CSMD3: variants seen among roughly 807,000 people sequenced by gnomAD.
CSMD3 encodes the protein CUB and sushi domain-containing protein 3.
Under a neutral mutation model 435.2 loss-of-function variants are expected in CSMD3, and 177 were observed. That is an observed-to-expected ratio of 0.41 (90% confidence interval 0.36 to 0.46). The LOEUF (loss-of-function observed/expected upper bound fraction) is 0.46. CSMD3 is among the 20% of genes least tolerant of loss of function. CSMD3 has a pLI of 0.34. For synonymous variants in CSMD3, 1,656 were observed against 1,520.5 expected (o/e 1.09, Z -2.07); for missense variants, 4,265 against 4,504.6 (o/e 0.95, Z 1.52).
At chr8:113,384,714 C>A (rs1385761638) in intron 1 of CSMD3, among the ~76,000 whole-genome samples, 1 of 152,178 alleles carries the variant, frequency 6.6e-6, no homozygotes, top group Non-Finnish European at 1.5e-5. Context: ...AAAATCCACA[C>A]TGGAGCTTCA....
intron 32 of CSMD3, among the ~76,000 whole-genome samples, chr8:112,447,499 A>G (rs1815738540): frequency 6.6e-6 from 1 of 152,186 alleles, no homozygotes; most frequent in African/African-American, 2.4e-5. Context: ...TTTAACCTTC[A>G]TATAATAAAC....
intron 41 of CSMD3, among the ~76,000 whole-genome samples, chr8:112,342,833 G>T (rs1825256002): frequency 6.6e-6 from 1 of 151,406 alleles, no homozygotes; most frequent in Admixed American, 6.6e-5. Context: ...TAGAACTTTG[G>T]ACATGCAACC....
At chr8:113,399,124 C>CACACTA (rs1554629610) in intron 1 of CSMD3, among the ~76,000 whole-genome samples, 3 of 140,438 alleles carry the variant, frequency 2.1e-5, no homozygotes, top group South Asian at 2.3e-4. Flanking sequence ...CACACACACA[C>CACACTA]TATATATGTG....
chr8:113,205,445 C>T (rs1487639689), intron 3 of CSMD3, among the ~76,000 whole-genome samples: 2 of 152,144 alleles, frequency 1.3e-5, no homozygotes, highest in Non-Finnish European at 2.9e-5. Flanking sequence ...CAAACCATAT[C>T]ACATGCTATA....
chr8:112,235,137 G>T (rs144293949), intron 67 of CSMD3, among the ~76,000 whole-genome samples: 1 of 152,104 alleles, frequency 6.6e-6, no homozygotes, highest in Non-Finnish European at 1.5e-5. Context: ...AAGCCAAGGC[G>T]GACAGATGGT....
intron 1 of CSMD3, among the ~76,000 whole-genome samples, chr8:113,404,562 G>A (rs1415812232): frequency 6.6e-6 from 1 of 151,370 alleles, no homozygotes; most frequent in Non-Finnish European, 1.5e-5. Flanking sequence ...GGGAACAGCT[G>A]TATTATAATA....
intron 32 of CSMD3, among the ~76,000 whole-genome samples, chr8:112,425,983 C>G (rs972075530): frequency 3.3e-5 from 5 of 152,050 alleles, no homozygotes; most frequent in African/African-American, 1.2e-4. Context: ...ACAAAAAATA[C>G]AAGTGGTTAC....
At chr8:112,265,334 A>G (rs2130406532) in intron 60 of CSMD3, 77 bp downstream of exon 60, 1 of 1,057,740 alleles carries the variant, frequency 9.5e-7, no homozygotes, top group Non-Finnish European at 1.4e-6. Flanking sequence ...ATTTAAGTAT[A>G]CTTTAAATTT....
intron 7 of CSMD3, among the ~76,000 whole-genome samples, chr8:112,957,043 C>A (rs192439462): frequency 6.6e-6 from 1 of 151,406 alleles, no homozygotes. Flanking sequence ...ATATTTTTAA[C>A]GGAAAGAATA....
intron 23 of CSMD3, among the ~76,000 whole-genome samples, chr8:112,579,533 T>A (rs774247911): frequency 1.3e-5 from 2 of 152,034 alleles, no homozygotes; most frequent in African/African-American, 4.8e-5. Context: ...TTAAAAATTA[T>A]ATGTATTGCT....
At chr8:113,000,734 G>A (rs1283518870) in intron 6 of CSMD3, among the ~76,000 whole-genome samples, 3 of 151,814 alleles carry the variant, frequency 2.0e-5, no homozygotes, top group Admixed American at 1.3e-4. Flanking sequence ...AGTCTTTGGG[G>A]GAAATCATTA....
At chr8:113,111,207 A>T (rs2090628938) in intron 4 of CSMD3, among the ~76,000 whole-genome samples, 1 of 152,154 alleles carries the variant, frequency 6.6e-6, no homozygotes, top group Non-Finnish European at 1.5e-5. Flanking sequence ...GAATTTTTAA[A>T]TTAAATATTG....
Position 112,887,842 on chromosome 8 carries a change from T to C in CSMD3, c.1634-28576A>G, listed in dbSNP as rs565279951. On this transcript the variant is annotated intron_variant, in intron 10 of 70. Coordinates refer to ENST00000297405, the MANE Select transcript of CSMD3 (RefSeq NM_198123.2). ...GATGGTACTAATAAAATAACATTTA[T>C]TTAGTCCATAAATCAACTCAGTTAG... Among the ~76,000 whole-genome samples, 54 of 151,844 alleles carry C rather than the reference T, an allele frequency of 3.6e-4. No homozygotes were observed. The South Asian group carries it at 3.9e-3, about 11-fold the overall frequency.
At chr8:112,265,998 G>A (rs1305936377) in intron 59 of CSMD3, among the ~76,000 whole-genome samples, 2 of 152,066 alleles carry the variant, frequency 1.3e-5, no homozygotes, top group African/African-American at 2.4e-5. Flanking sequence ...AGGCATGCTG[G>A]ATGGAGAGCA....
intron 32 of CSMD3, among the ~76,000 whole-genome samples, chr8:112,420,895 G>C (rs1314838977): frequency 1.3e-5 from 2 of 152,052 alleles, no homozygotes; most frequent in African/African-American, 2.4e-5. Flanking sequence ...TCAAGCTCTT[G>C]CTTTCATTGA....
intron 47 of CSMD3, 61 bp downstream of exon 47, chr8:112,318,776 T>G: frequency 9.1e-7 from 1 of 1,095,304 alleles, no homozygotes; most frequent in Non-Finnish European, 1.4e-6. Context: ...ATCATACCTA[T>G]ATTAAGTTAA....
chr8:112,933,487 T>A (rs2083182572), intron 9 of CSMD3, among the ~76,000 whole-genome samples: 2 of 152,048 alleles, frequency 1.3e-5, no homozygotes, highest in South Asian at 4.1e-4. Context: ...CTCTTCACCA[T>A]CTCTCCACCA....
At chr8:113,422,613 A>T (rs755182236) in intron 1 of CSMD3, among the ~76,000 whole-genome samples, 3 of 152,106 alleles carry the variant, frequency 2.0e-5, no homozygotes, top group Non-Finnish European at 4.4e-5. Context: ...TAAGGTAGTG[A>T]TGGGGTAGAA....
chr8:113,037,719 A>G (rs1032795412), intron 5 of CSMD3, among the ~76,000 whole-genome samples: 1 of 152,184 alleles, frequency 6.6e-6, no homozygotes, highest in Non-Finnish European at 1.5e-5. Flanking sequence ...CCAAACTCCA[A>G]GATCTCAAAT....
Sources: allele counts gnomAD v4.1 joint callset (sites outside exome capture counted in the v4.1 genomes callset), GRCh38; gene constraint gnomAD v4.1.1; transcripts MANE v1.5; gene names NCBI Gene and HGNC (gene_info 2026-07-23, HGNC 2026-07-21).